Variants in PDE4D observed in about 807,000 individuals in gnomAD.
The protein encoded by PDE4D is 3',5'-cyclic-AMP phosphodiesterase 4D.
Under a neutral mutation model 87.4 loss-of-function variants are expected in PDE4D, and 24 were observed. That is an observed-to-expected ratio of 0.27 (90% confidence interval 0.20 to 0.39). PDE4D has a LOEUF of 0.39. PDE4D is among the 10% of genes least tolerant of loss of function. The pLI, the probability that PDE4D is intolerant of heterozygous loss-of-function variation, is 1.00. For missense variants in PDE4D, 714 were observed against 1,041.0 expected (o/e 0.69, Z 4.32); for synonymous variants, 384 against 383.2 (o/e 1.00, Z -0.02).
Position 59,631,350 on chromosome 5 carries a change from A to T in PDE4D, c.455+261818T>A, listed in dbSNP as rs866993595. 6.8e-4 allele frequency among the ~76,000 whole-genome samples: 103 copies of T among 152,316 alleles called. 1 individual carries two copies. The highest frequency in any genetic ancestry group is 1.0e-4 in the Non-Finnish European group (7 of 68,038). On this transcript the variant is annotated intron_variant, in intron 1 of 14. Coordinates refer to ENST00000340635, the MANE Select transcript of PDE4D (RefSeq NM_001104631.2). ...ATCCCTTATGCCCCTGCCAACAGTT[A>T]AAAAAGAGCAACTATTCTTAAAACT...
intron 2 of PDE4D, among the ~76,000 whole-genome samples, chr5:60,064,454 CGTT>C (rs1308713082): frequency 1.3e-5 from 2 of 152,022 alleles, no homozygotes; most frequent in African/African-American, 4.8e-5. Flanking sequence ...TCAGAGCTCT[CGTT>C]GTGCTGTTTT....
chr5:60,091,579 T>A (rs1384102152), intron 2 of PDE4D, among the ~76,000 whole-genome samples: 1 of 151,730 alleles, frequency 6.6e-6, no homozygotes, highest in East Asian at 1.9e-4. Context: ...ACTATGGAGG[T>A]TCCTCAAAAA....
rs1162143220 is a variant in PDE4D, at chr5:59,039,062, C to T, written c.809-91G>A. 4.0e-6 allele frequency: 6 copies of T among 1,504,932 alleles called. No homozygotes were observed. The South Asian group carries it at 6.5e-5, about 16-fold the overall frequency. The allele number at this position is 1,504,932 out of a possible 1,614,324, so 93.2% of individuals were successfully genotyped here. On this transcript the variant is annotated intron_variant, in intron 5 of 14. Transcript: ENST00000340635. The stretch of plus-strand genomic sequence containing the variant: ...AAGGGGGCCATCCTGCCATACCCCG[C>T]CATGCTCGGATGCCCGGTGCCGGCA...
chr5:59,909,118 T>C (rs1174699940), intron 3 of PDE4D, among the ~76,000 whole-genome samples: 1 of 152,132 alleles, frequency 6.6e-6, no homozygotes, highest in African/African-American at 2.4e-5. Context: ...TACCCAAACA[T>C]TTCTAGGTCT....
intron 1 of PDE4D, among the ~76,000 whole-genome samples, chr5:60,233,795 A>C (rs1228767744): frequency 1.3e-5 from 2 of 151,792 alleles, no homozygotes; most frequent in African/African-American, 4.8e-5. Context: ...TTATGCTTAC[A>C]GGTGAGGAAA....
At chr5:60,025,638 G>A (rs1295835960) in intron 2 of PDE4D, among the ~76,000 whole-genome samples, 1 of 151,922 alleles carries the variant, frequency 6.6e-6, no homozygotes, top group East Asian at 1.9e-4. Context: ...GAAAGCTTGT[G>A]CCACTACTAG....
intron 1 of PDE4D, among the ~76,000 whole-genome samples, chr5:59,469,395 G>A (rs1181656558): frequency 1.3e-5 from 2 of 152,060 alleles, no homozygotes; most frequent in African/African-American, 4.8e-5. Flanking sequence ...GCATACAAAA[G>A]AGAAAAGTAA....
intron 1 of PDE4D, among the ~76,000 whole-genome samples, chr5:59,722,539 T>C (rs1005133042): frequency 6.6e-6 from 1 of 152,178 alleles, no homozygotes; most frequent in African/African-American, 2.4e-5. Context: ...CATGTTCCTA[T>C]GATAGTTATA....
chr5:59,572,093 T>G (rs1391413194), intron 1 of PDE4D, among the ~76,000 whole-genome samples: 1 of 152,196 alleles, frequency 6.6e-6, no homozygotes, highest in African/African-American at 2.4e-5. Flanking sequence ...GGGAGCAACC[T>G]TGTTCAGAAT....
intron 2 of PDE4D, among the ~76,000 whole-genome samples, chr5:60,104,154 C>G (rs915490257): frequency 9.9e-5 from 15 of 152,198 alleles, no homozygotes; most frequent in African/African-American, 3.4e-4. Context: ...GTCACTCCCA[C>G]CCAAATACTG....
At chr5:59,116,963 C>A (rs761039096) in intron 5 of PDE4D, among the ~76,000 whole-genome samples, 15 of 152,208 alleles carry the variant, frequency 9.9e-5, no homozygotes, top group Non-Finnish European at 2.1e-4. Flanking sequence ...AAATAACTAA[C>A]AACAGCTGGT....
At chr5:60,381,522 C>A (rs1474604681) in intron 1 of PDE4D, among the ~76,000 whole-genome samples, 2 of 152,138 alleles carry the variant, frequency 1.3e-5, no homozygotes, top group Non-Finnish European at 2.9e-5. Context: ...GCCTTGGGAA[C>A]CCCTGATACA....
At chr5:59,780,786 G>T (rs549343876) in intron 1 of PDE4D, among the ~76,000 whole-genome samples, 1 of 152,342 alleles carries the variant, frequency 6.6e-6, no homozygotes, top group Non-Finnish European at 1.5e-5. Context: ...GTGAATGAAA[G>T]AACAGGAGTA....
At chr5:59,213,712 A>G (rs1023927834) in intron 2 of PDE4D, among the ~76,000 whole-genome samples, 5 of 152,088 alleles carry the variant, frequency 3.3e-5, no homozygotes, top group Non-Finnish European at 5.9e-5. Context: ...TCCTAATGCT[A>G]TTACCTGAAT....
At chr5:59,732,394 T>TCACA (rs71604799) in intron 1 of PDE4D, among the ~76,000 whole-genome samples, 10,399 of 146,168 alleles carry the variant, frequency 0.071, 425 homozygotes, top group African/African-American at 0.12. Flanking sequence ...CAGGAGACAT[T>TCACA]CACACACACA....
intron 5 of PDE4D, among the ~76,000 whole-genome samples, chr5:59,136,329 C>T (rs905170940): frequency 6.6e-6 from 1 of 152,048 alleles, no homozygotes; most frequent in Admixed American, 6.5e-5. Context: ...TTAATATATT[C>T]TTTTTAGAAG....
intron 1 of PDE4D, among the ~76,000 whole-genome samples, chr5:59,387,349 A>G (rs1787281842): frequency 6.6e-6 from 1 of 152,172 alleles, no homozygotes; most frequent in African/African-American, 2.4e-5. Context: ...AGCATTCCAC[A>G]AAACCTACTT....
At chr5:59,427,115 G>T (rs1230664262) in intron 1 of PDE4D, among the ~76,000 whole-genome samples, 1 of 148,866 alleles carries the variant, frequency 6.7e-6, no homozygotes, top group Non-Finnish European at 1.5e-5. Context: ...CTCCTTTGCT[G>T]ACCTGGTAAT....
intron 1 of PDE4D, among the ~76,000 whole-genome samples, chr5:59,776,522 T>C (rs2152618381): frequency 6.6e-6 from 1 of 152,290 alleles, no homozygotes; most frequent in South Asian, 2.1e-4. Flanking sequence ...CTACAATAAA[T>C]AGGTGCTTTA....
Sources: gnomAD v4.1 joint callset for allele counts (sites outside exome capture counted in the v4.1 genomes callset) on GRCh38, gnomAD v4.1.1 for gene constraint, MANE v1.5 for transcripts, NCBI Gene and HGNC (gene_info 2026-07-23, HGNC 2026-07-21) for gene names.